Variants in DCC observed in about 807,000 individuals in gnomAD.
DCC encodes the protein netrin receptor DCC.
Under a neutral mutation model 172.5 loss-of-function variants are expected in DCC, and 58 were observed. The observed-to-expected ratio is 0.34, with a 90% CI of 0.27 to 0.42. The LOEUF is 0.42. Ranked by LOEUF, DCC falls within the 10% of genes least tolerant of loss-of-function variation. The pLI is 1.00. For synonymous variants in DCC, 709 were observed against 644.5 expected, an observed-to-expected ratio of 1.10 and a Z score of -1.52; for missense variants, 1,740 against 1,791.0, an observed-to-expected ratio of 0.97 and a Z score of 0.51.
chr18:53,091,104 T>A (rs2043001493), intron 7 of DCC, among the ~76,000 whole-genome samples: 2 of 151,920 alleles, frequency 1.3e-5, no homozygotes, highest in African/African-American at 4.8e-5. Context: ...CTCTATAGCA[T>A]GTGAATAAAA....
chr18:52,406,593 A>T (rs961753782), intron 1 of DCC, among the ~76,000 whole-genome samples: 4 of 152,126 alleles, frequency 2.6e-5, no homozygotes, highest in Non-Finnish European at 5.9e-5. Flanking sequence ...ATCCTCTGCA[A>T]TCTCTGTGCC....
At chr18:52,839,207 G>T (rs1055982226) in intron 2 of DCC, among the ~76,000 whole-genome samples, 1 of 152,124 alleles carries the variant, frequency 6.6e-6, no homozygotes, top group Non-Finnish European at 1.5e-5. Flanking sequence ...AAAATGAAAT[G>T]ACTTTGTTTT....
intron 2 of DCC, among the ~76,000 whole-genome samples, chr18:52,848,392 T>C (rs1051425858): frequency 1.3e-5 from 2 of 152,170 alleles, no homozygotes; most frequent in African/African-American, 2.4e-5. Flanking sequence ...CGGCCGACTT[T>C]TCTAATGTTT....
intron 1 of DCC, among the ~76,000 whole-genome samples, chr18:52,732,626 A>C (rs1044142004): frequency 3.3e-5 from 5 of 152,186 alleles, no homozygotes; most frequent in African/African-American, 1.2e-4. Flanking sequence ...GGCCCTTTGC[A>C]GAAGAAAGTT....
intron 2 of DCC, among the ~76,000 whole-genome samples, chr18:52,797,275 G>C (rs540681597): frequency 1.3e-5 from 2 of 152,048 alleles, no homozygotes; most frequent in Non-Finnish European, 2.9e-5. Context: ...TTGGGGATCT[G>C]TTATTGAAGA....
At chr18:52,497,210 A>T (rs2030791842) in intron 1 of DCC, among the ~76,000 whole-genome samples, 1 of 145,814 alleles carries the variant, frequency 6.9e-6, no homozygotes, top group Non-Finnish European at 1.5e-5. Flanking sequence ...GCAGTTAACT[A>T]TGATGGCGCC....
At chr18:52,912,085 C>A (rs1468148554) in intron 3 of DCC, among the ~76,000 whole-genome samples, 1 of 152,012 alleles carries the variant, frequency 6.6e-6, no homozygotes, top group Admixed American at 6.6e-5. Context: ...CCAACTTGAA[C>A]TGTTATAGTA....
At chr18:53,091,316 C>T (rs2043005467) in intron 7 of DCC, among the ~76,000 whole-genome samples, 2 of 147,376 alleles carry the variant, frequency 1.4e-5, no homozygotes, top group African/African-American at 5.0e-5. Flanking sequence ...TTACTTTGAC[C>T]GTTCTACCAA....
At chr18:53,443,458 C>G (rs1423994610) in intron 22 of DCC, among the ~76,000 whole-genome samples, 2 of 152,208 alleles carry the variant, frequency 1.3e-5, no homozygotes, top group African/African-American at 4.8e-5. Context: ...CAAAATATTA[C>G]TGCACATTGA....
At chr18:53,467,444 T>G (rs1424090208) in intron 24 of DCC, among the ~76,000 whole-genome samples, 1 of 152,122 alleles carries the variant, frequency 6.6e-6, no homozygotes, top group African/African-American at 2.4e-5. Context: ...TAAAATTTAA[T>G]ATGGTTGGGC....
chr18:52,889,513 T>C (rs547052416), intron 2 of DCC, among the ~76,000 whole-genome samples: 2 of 152,258 alleles, frequency 1.3e-5, no homozygotes, highest in East Asian at 3.9e-4. Context: ...TGGACAGATA[T>C]GTAGCTATTG....
intron 12 of DCC, among the ~76,000 whole-genome samples, chr18:53,264,154 C>A (rs1024018149): frequency 6.6e-6 from 1 of 152,044 alleles, no homozygotes. Flanking sequence ...GTCCTGTCAA[C>A]ATGAAATTAT....
chr18:52,852,612 A>G (rs546465249), intron 2 of DCC, among the ~76,000 whole-genome samples: 2 of 149,030 alleles, frequency 1.3e-5, no homozygotes, highest in Non-Finnish European at 2.9e-5. Flanking sequence ...TTAAATAGAC[A>G]CTTACCAAGT....
chr18:52,916,646 G>A (rs757607989), intron 3 of DCC, among the ~76,000 whole-genome samples: 6 of 152,036 alleles, frequency 3.9e-5, no homozygotes, highest in African/African-American at 7.2e-5. Context: ...AGCACAAAAC[G>A]TTTATAAATA....
intron 3 of DCC, among the ~76,000 whole-genome samples, chr18:52,913,051 T>C (rs1024697432): frequency 6.6e-6 from 1 of 152,096 alleles, no homozygotes; most frequent in Admixed American, 6.6e-5. Context: ...TTTTATTGTG[T>C]ACAACTAAGT....
At chr18:52,938,794 C>A (rs1054582783) in intron 5 of DCC, among the ~76,000 whole-genome samples, 1 of 151,962 alleles carries the variant, frequency 6.6e-6, no homozygotes, top group Non-Finnish European at 1.5e-5. Context: ...ACATTAAATC[C>A]ATAACAGTTC....
rs1049862689 is a variant in DCC at position 52,783,346 on chromosome 18, T to A, written c.412+30972T>A. Among the ~76,000 whole-genome samples the A allele has an allele frequency of 1.5e-4, 17 of 115,010 alleles. 1 individual carries two copies. Among genetic ancestry groups the A allele is most frequent in the Admixed American group, 7.1e-4 (8 of 11,280 alleles). 75.5% of individuals were successfully genotyped at this position (115,010 alleles called of 152,430 possible). On this transcript the variant is annotated intron_variant, in intron 2 of 28. Coordinates refer to ENST00000442544, the MANE Select transcript of DCC (RefSeq NM_005215.4). ...CTCTTTTTTTTTTTTTTTTTTTTTT[T>A]TTTTTTTTTTTTTTTACAACACAAA...
intron 21 of DCC, among the ~76,000 whole-genome samples, chr18:53,429,476 T>C (rs1911466921): frequency 6.6e-6 from 1 of 151,992 alleles, no homozygotes; most frequent in Non-Finnish European, 1.5e-5. Flanking sequence ...ATTATCTTAG[T>C]TTTGAATTTG....
chr18:53,455,783 T>C (rs2045475363), intron 23 of DCC, among the ~76,000 whole-genome samples: 1 of 152,164 alleles, frequency 6.6e-6, no homozygotes, highest in African/African-American at 2.4e-5. Context: ...GCACACAAAC[T>C]GTCATGCCGC....
Sources: allele counts gnomAD v4.1 joint callset (sites outside exome capture counted in the v4.1 genomes callset), GRCh38; gene constraint gnomAD v4.1.1; transcripts MANE v1.5; gene names NCBI Gene and HGNC (gene_info 2026-07-23, HGNC 2026-07-21).